LDLRAD4: variants seen among roughly 807,000 people sequenced by gnomAD.
LDLRAD4 encodes low-density lipoprotein receptor class A domain-containing protein 4.
Under a neutral mutation model 17.0 loss-of-function variants are expected in LDLRAD4, and 5 were observed. The observed-to-expected ratio is 0.29, with a 90% CI of 0.15 to 0.62. LDLRAD4 has a LOEUF of 0.62. LDLRAD4 is among the 20% of genes least tolerant of loss of function. The pLI is 0.84. For missense variants in LDLRAD4, 340 were observed against 424.7 expected (o/e 0.80, Z 1.75); for synonymous variants, 168 against 171.8 (o/e 0.98, Z 0.17).
At chr18:13,385,241 T>C (rs1360523237) in intron 1 of LDLRAD4, among the ~76,000 whole-genome samples, 1 of 152,234 alleles carries the variant, frequency 6.6e-6, no homozygotes, top group Non-Finnish European at 1.5e-5. Context: ...TTAGAGATGT[T>C]GAGCATTTTT....
At chr18:13,221,366 G>T (rs2041445377) in intron 1 of LDLRAD4, among the ~76,000 whole-genome samples, 1 of 151,968 alleles carries the variant, frequency 6.6e-6, no homozygotes, top group Admixed American at 6.5e-5. Flanking sequence ...AAAATCTCCT[G>T]GAAGCCATTA....
At chr18:13,412,597 C>T (rs1046991069) in intron 2 of LDLRAD4, among the ~76,000 whole-genome samples, 6 of 152,140 alleles carry the variant, frequency 3.9e-5, no homozygotes, top group Non-Finnish European at 8.8e-5. Flanking sequence ...AAGGTTCAGA[C>T]AGGGTCCCCG....
intron 1 of LDLRAD4, among the ~76,000 whole-genome samples, chr18:13,256,853 C>T (rs142894300): frequency 1.3e-5 from 2 of 152,278 alleles, no homozygotes; most frequent in East Asian, 1.9e-4. Context: ...GTGTGTGTGC[C>T]GGGGAAGGAA....
intron 3 of LDLRAD4, among the ~76,000 whole-genome samples, chr18:13,592,941 AG>A (rs1318867315): frequency 1.3e-5 from 2 of 152,244 alleles, no homozygotes; most frequent in African/African-American, 4.8e-5. Flanking sequence ...GTGTCAAATG[AG>A]GTTCTAGAAA....
At chr18:13,547,597 G>C (rs141020217) in intron 3 of LDLRAD4, among the ~76,000 whole-genome samples, 1 of 152,228 alleles carries the variant, frequency 6.6e-6, no homozygotes, top group East Asian at 1.9e-4. Flanking sequence ...GTGAGTGAGC[G>C]TGGAGTGTGG....
exon 6 of LDLRAD4, chr18:13,651,065 T>A (rs2043226447): frequency 6.6e-6 from 1 of 152,266 alleles, no homozygotes; most frequent in South Asian, 2.1e-4. Flanking sequence ...GTGTTAGTTA[T>A]ATTTGAGTCA....
intron 1 of LDLRAD4, among the ~76,000 whole-genome samples, chr18:13,311,237 C>T (rs190947204): frequency 4.7e-4 from 72 of 152,344 alleles, no homozygotes; most frequent in Non-Finnish European, 7.3e-4. Context: ...AAGACCCCAT[C>T]CCACCCTCAA....
intron 3 of LDLRAD4, chr18:13,515,835 T>C (rs1038388633): frequency 6.6e-6 from 1 of 152,214 alleles, no homozygotes; most frequent in African/African-American, 2.4e-5. Flanking sequence ...AGTCAGTGTC[T>C]TTCTTTGTCG....
intron 1 of LDLRAD4, among the ~76,000 whole-genome samples, chr18:13,253,429 CT>C (rs1434017821): frequency 1.3e-5 from 2 of 152,152 alleles, no homozygotes; most frequent in Non-Finnish European, 2.9e-5. Context: ...GTCTTTTTCC[CT>C]TTTCCACACC....
At chr18:13,348,159 A>G (rs1355760642) in intron 1 of LDLRAD4, among the ~76,000 whole-genome samples, 2 of 151,974 alleles carry the variant, frequency 1.3e-5, no homozygotes, top group African/African-American at 4.8e-5. Context: ...TGATTTTTAG[A>G]ATTTTCAGTT....
At chr18:13,385,819 A>G (rs1006290684) in intron 1 of LDLRAD4, among the ~76,000 whole-genome samples, 2 of 152,224 alleles carry the variant, frequency 1.3e-5, no homozygotes, top group African/African-American at 4.8e-5. Context: ...ATGTTTTCTC[A>G]CATTTTCAAG....
At chr18:13,413,687 T>C (rs1264934234) in intron 2 of LDLRAD4, among the ~76,000 whole-genome samples, 1 of 152,226 alleles carries the variant, frequency 6.6e-6, no homozygotes, top group African/African-American at 2.4e-5. Flanking sequence ...ATGTCCAGTG[T>C]TTGCAGTGAC....
At chr18:13,227,849 C>G (rs1339781667) in intron 1 of LDLRAD4, among the ~76,000 whole-genome samples, 1 of 152,180 alleles carries the variant, frequency 6.6e-6, no homozygotes, top group Non-Finnish European at 1.5e-5. Flanking sequence ...CATGAGGTCC[C>G]TCCCCCAACA....
intron 1 of LDLRAD4, among the ~76,000 whole-genome samples, chr18:13,349,778 C>T (rs563315936): frequency 4.6e-5 from 7 of 152,232 alleles, no homozygotes; most frequent in African/African-American, 1.4e-4. Context: ...TGCTCTCCTT[C>T]GTCTCACCCC....
chr18:13,282,229 C>T (rs1209957621), intron 1 of LDLRAD4, among the ~76,000 whole-genome samples: 2 of 152,144 alleles, frequency 1.3e-5, no homozygotes, highest in Non-Finnish European at 2.9e-5. Context: ...ATCATCCTGC[C>T]CCTGACCCCT....
intron 3 of LDLRAD4, among the ~76,000 whole-genome samples, chr18:13,553,128 T>G (rs1289120151): frequency 6.6e-6 from 1 of 152,184 alleles, no homozygotes; most frequent in African/African-American, 2.4e-5. Context: ...GAGTTAAAAG[T>G]GTTTATGAGT....
intron 3 of LDLRAD4, among the ~76,000 whole-genome samples, chr18:13,563,535 G>A (rs968558880): frequency 6.6e-6 from 1 of 152,190 alleles, no homozygotes; most frequent in East Asian, 1.9e-4. Context: ...GGAGCAGAAT[G>A]GACATGTTCT....
chr18:13,302,477 G>C (rs1047602944), intron 1 of LDLRAD4, among the ~76,000 whole-genome samples: 7 of 152,194 alleles, frequency 4.6e-5, no homozygotes, highest in Non-Finnish European at 1.0e-4. Flanking sequence ...ACTTGAGGGG[G>C]ACAGATTTGG....
At chr18:13,628,374 G>A (rs1490550694) in intron 4 of LDLRAD4, among the ~76,000 whole-genome samples, 1 of 152,242 alleles carries the variant, frequency 6.6e-6, no homozygotes, top group Admixed American at 6.5e-5. Context: ...GGCAGACCCT[G>A]CTGCACCACA....
Sources: gnomAD v4.1 joint callset for allele counts (sites outside exome capture counted in the v4.1 genomes callset) on GRCh38, gnomAD v4.1.1 for gene constraint, MANE v1.5 for transcripts, NCBI Gene and HGNC (gene_info 2026-07-23, HGNC 2026-07-21) for gene names.